SPEF2: variants seen among roughly 807,000 people sequenced by gnomAD.
SPEF2 encodes sperm flagella and cilia-associated protein 2.
A neutral mutation model predicts 224.6 loss-of-function variants in SPEF2; 187 were observed. The ratio of observed to expected loss-of-function variants is 0.83; its 90% CI spans 0.74 to 0.94. The LOEUF (loss-of-function observed/expected upper bound fraction) is 0.94. Ranked by LOEUF, SPEF2 falls within the 40% of genes least tolerant of loss-of-function variation. The pLI, the probability that SPEF2 is intolerant of heterozygous loss-of-function variation, is 0.00. For missense variants in SPEF2, 2,170 were observed against 2,135.6 expected (o/e 1.02, Z -0.32); for synonymous variants, 715 against 707.3 (o/e 1.01, Z -0.17).
intron 20 of SPEF2, among the ~76,000 whole-genome samples, chr5:35,727,136 A>T (rs1744802739): frequency 6.6e-6 from 1 of 152,152 alleles, no homozygotes; most frequent in Non-Finnish European, 1.5e-5. Flanking sequence ...TTCCCCACAG[A>T]AACGCTGTGT....
At chr5:35,798,569 T>TC (rs1236689995) in intron 33 of SPEF2, among the ~76,000 whole-genome samples, 2 of 152,166 alleles carry the variant, frequency 1.3e-5, no homozygotes, top group East Asian at 3.8e-4. Flanking sequence ...TGCTCTTTTT[T>TC]CTGTGTTTTC....
At chr5:35,649,515 C>A in intron 6 of SPEF2, 90 bp downstream of exon 6, 2 of 980,624 alleles carry the variant, frequency 2.0e-6, no homozygotes, top group Non-Finnish European at 3.0e-6. Flanking sequence ...TCTGGAAGAG[C>A]TATTCCAGGA....
chr5:35,751,078 T>TATACGTATATATATAC (rs1749518616), intron 23 of SPEF2, among the ~76,000 whole-genome samples: 1 of 22,632 alleles, frequency 4.4e-5, no homozygotes, highest in Non-Finnish European at 1.0e-4. Context: ...TATATATATA[T>TATACGTATATATATAC]ACACACACAC....
At position 35,763,665 on chromosome 5, in the gene SPEF2, A is replaced by T. The variant is rs1580640040; in HGVS notation, c.3764A>T (p.Asp1255Val). Residue 1255 changes from aspartate (D) to valine (V), a missense_variant, in exon 26 of 37, where the codon GAC (aspartate) becomes GTC (valine). Asp to Val is a radical substitution (Grantham distance 152, BLOSUM62 -3). Coordinates refer to ENST00000356031, the MANE Select transcript of SPEF2 (RefSeq NM_024867.4). The part of the protein sequence containing the change: ...NFEADEKLVM[D>V]TWQQASLAVS... Reference sequence around the variant, plus strand: ...GAGGCCGATGAAAAGTTGGTCATGGACACCTGGCAGCAGGCTTCTTTAGCA... The same window carrying T: ...GAGGCCGATGAAAAGTTGGTCATGGTCACCTGGCAGCAGGCTTCTTTAGCA... 1.9e-6 allele frequency: 3 copies of T among 1,613,286 alleles called. No individual in the cohort carries two copies. The highest frequency in any genetic ancestry group is 4.5e-5 in the East Asian group (2 of 44,864).
intron 20 of SPEF2, among the ~76,000 whole-genome samples, chr5:35,718,737 G>C (rs1743082775): frequency 6.6e-6 from 1 of 152,182 alleles, no homozygotes; most frequent in South Asian, 2.1e-4. Context: ...CCATGAAACA[G>C]GAAGCTTGGG....
At chr5:35,678,083 CA>C (rs1752273100) in intron 10 of SPEF2, among the ~76,000 whole-genome samples, 1 of 152,194 alleles carries the variant, frequency 6.6e-6, no homozygotes, top group Non-Finnish European at 1.5e-5. Flanking sequence ...AATTTCCTTC[CA>C]AAAACAAGCA....
chr5:35,777,398 G>T (rs962171573), intron 29 of SPEF2, among the ~76,000 whole-genome samples: 4 of 151,994 alleles, frequency 2.6e-5, no homozygotes, highest in Admixed American at 2.6e-4. Context: ...AAATCATTTT[G>T]CTACTGGATA....
At chr5:35,619,545 C>T (rs1579988113) in intron 1 of SPEF2, among the ~76,000 whole-genome samples, 2 of 151,842 alleles carry the variant, frequency 1.3e-5, no homozygotes, top group East Asian at 1.9e-4. Context: ...GACGTCGTGG[C>T]GGGTGCCTGT....
At chr5:35,748,403 A>G (rs1748894031) in intron 23 of SPEF2, among the ~76,000 whole-genome samples, 1 of 152,090 alleles carries the variant, frequency 6.6e-6, no homozygotes, top group Non-Finnish European at 1.5e-5. Flanking sequence ...GGTTCTTTGA[A>G]AATAAAATTG....
At chr5:35,766,137 T>C (rs1269002415) in intron 26 of SPEF2, among the ~76,000 whole-genome samples, 1 of 152,116 alleles carries the variant, frequency 6.6e-6, no homozygotes. Flanking sequence ...ATCCAGATAA[T>C]ACTAGCTTAA....
intron 8 of SPEF2, among the ~76,000 whole-genome samples, chr5:35,661,087 G>A (rs1476647240): frequency 1.3e-5 from 2 of 151,726 alleles, no homozygotes; most frequent in Non-Finnish European, 2.9e-5. Flanking sequence ...TACATAAGTA[G>A]GAGCTGAATA....
intron 27 of SPEF2, among the ~76,000 whole-genome samples, chr5:35,772,544 G>A (rs1245628829): frequency 1.3e-5 from 2 of 152,142 alleles, no homozygotes; most frequent in Non-Finnish European, 2.9e-5. Context: ...TTCTCCATCT[G>A]AGGGCGTAGA....
intron 1 of SPEF2, among the ~76,000 whole-genome samples, chr5:35,622,078 T>C (rs1743596399): frequency 1.3e-5 from 2 of 152,212 alleles, no homozygotes. Context: ...ATTGCTTACA[T>C]GATATATAAA....
intron 10 of SPEF2, among the ~76,000 whole-genome samples, chr5:35,683,230 C>T (rs1246570782): frequency 1.3e-5 from 2 of 152,050 alleles, no homozygotes; most frequent in Admixed American, 1.3e-4. Flanking sequence ...GGTAGGCCCA[C>T]GTGATCTGTA....
At chr5:35,759,933 C>G (rs1162539530) in intron 25 of SPEF2, among the ~76,000 whole-genome samples, 1 of 152,034 alleles carries the variant, frequency 6.6e-6, no homozygotes, top group African/African-American at 2.4e-5. Flanking sequence ...AATATTTACT[C>G]ATTTTGCTGC....
intron 23 of SPEF2, 47 bp downstream of exon 23, chr5:35,740,314 T>A (rs774186065): frequency 6.2e-7 from 1 of 1,605,252 alleles, no homozygotes; most frequent in Non-Finnish European, 8.5e-7. Context: ...GGCTTTCATA[T>A]CTTGTCCTGC....
intron 10 of SPEF2, among the ~76,000 whole-genome samples, chr5:35,679,209 A>G (rs1373999853): frequency 1.3e-5 from 2 of 152,210 alleles, no homozygotes; most frequent in Non-Finnish European, 2.9e-5. Context: ...TCCCTCTGGT[A>G]GGAGACCAGG....
At chr5:35,752,313 G>A (rs538548678) in intron 23 of SPEF2, among the ~76,000 whole-genome samples, 17 of 152,108 alleles carry the variant, frequency 1.1e-4, no homozygotes, top group Middle Eastern at 3.4e-3. Context: ...TTTTTATTGA[G>A]ACAGGGTCTC....
At chr5:35,625,478 A>G (rs1744110362) in intron 1 of SPEF2, among the ~76,000 whole-genome samples, 1 of 152,208 alleles carries the variant, frequency 6.6e-6, no homozygotes, top group Non-Finnish European at 1.5e-5. Context: ...AACGTGAACA[A>G]CAGGCACAGT....
Sources: allele counts gnomAD v4.1 joint callset (sites outside exome capture counted in the v4.1 genomes callset), GRCh38; gene constraint gnomAD v4.1.1; transcripts MANE v1.5; gene names NCBI Gene and HGNC (gene_info 2026-07-23, HGNC 2026-07-21).